The following WWTR1 variants were observed in gnomAD, a reference collection of about 807,000 sequenced individuals.
The protein encoded by WWTR1 is WW domain containing transcription regulator 1, also known as WW domain-containing transcription regulator protein 1.
A neutral mutation model predicts 40.1 loss-of-function variants in WWTR1; 13 were observed. That is an observed-to-expected ratio of 0.32 (90% CI 0.21 to 0.52). The LOEUF (loss-of-function observed/expected upper bound fraction) is 0.52, where lower values mean the gene tolerates loss of function less well. Ranked by LOEUF, WWTR1 falls within the 20% of genes least tolerant of loss-of-function variation. The probability of loss-of-function intolerance (pLI) is 0.97; values close to 1 mark genes in which losing one functional copy is unlikely to be tolerated. For synonymous variants in WWTR1, 230 were observed against 210.1 expected (o/e 1.09, Z -0.82); for missense variants, 436 against 523.1 (o/e 0.83, Z 1.63).
chr3:149,587,689 A>G (rs1284906955), intron 2 of WWTR1, among the ~76,000 whole-genome samples: 1 of 152,236 alleles, frequency 6.6e-6, no homozygotes, highest in African/African-American at 2.4e-5. Flanking sequence ...TGCGAATAAC[A>G]TTAAAATGTC....
intron 4 of WWTR1, among the ~76,000 whole-genome samples, chr3:149,533,694 T>C (rs972553876): frequency 6.6e-6 from 1 of 152,194 alleles, no homozygotes; most frequent in African/African-American, 2.4e-5. Flanking sequence ...CAAATCCCAG[T>C]TCAGTTACTA....
At chr3:149,551,758 A>C (rs1736626445) in intron 3 of WWTR1, among the ~76,000 whole-genome samples, 2 of 145,460 alleles carry the variant, frequency 1.4e-5, no homozygotes, top group South Asian at 4.4e-4. Flanking sequence ...AACTCAGGGC[A>C]GCAGAACTCA....
Position 149,577,294 on chromosome 3 carries a change from T to C in WWTR1, c.432-4294A>G, listed in dbSNP as rs115046222. ...CCATGCTGTTTATAAAGAAAAAGAA[T>C]AGCAGTTCCTACGGGGAAGAAAAGC... On this transcript the variant is annotated intron_variant, in intron 2 of 6. Transcript: ENST00000360632. Among the ~76,000 whole-genome samples the C allele has an allele frequency of 7.3e-3, 1,106 of 152,238 alleles. 12 individuals carry two copies. The highest frequency in any genetic ancestry group is 0.024 in the African/African-American group (1,016 of 41,548).
intron 2 of WWTR1, among the ~76,000 whole-genome samples, chr3:149,634,137 T>C (rs1389126956): frequency 1.3e-5 from 2 of 152,118 alleles, no homozygotes; most frequent in Admixed American, 1.3e-4. Flanking sequence ...GACCCAACCA[T>C]GTCAAGACCG....
chr3:149,696,112 CA>C (rs368629673), intron 1 of WWTR1, among the ~76,000 whole-genome samples: 47 of 77,120 alleles, frequency 6.1e-4, no homozygotes, highest in Admixed American at 1.7e-3. Flanking sequence ...GACTCTGTCT[CA>C]AAAAAAAAAA....
At chr3:149,540,872 A>G (rs553700898) in intron 4 of WWTR1, 1 of 324,408 alleles carries the variant, frequency 3.1e-6, no homozygotes, top group South Asian at 2.6e-5. Flanking sequence ...AAATGATTTT[A>G]ATTTACCATG....
At chr3:149,595,109 G>C (rs1186391983) in intron 2 of WWTR1, among the ~76,000 whole-genome samples, 2 of 151,432 alleles carry the variant, frequency 1.3e-5, no homozygotes, top group Admixed American at 6.6e-5. Flanking sequence ...CTACAGGCAT[G>C]CACCACCACG....
intron 2 of WWTR1, among the ~76,000 whole-genome samples, chr3:149,636,369 T>C (rs1007202085): frequency 6.6e-6 from 1 of 152,176 alleles, no homozygotes. Context: ...AAGGTTACGA[T>C]CTTAGGATCA....
chr3:149,525,394 C>T (rs1421898290), intron 6 of WWTR1, among the ~76,000 whole-genome samples: 1 of 151,720 alleles, frequency 6.6e-6, no homozygotes, highest in East Asian at 1.9e-4. Context: ...GGCAAACAAA[C>T]AGTGGTGTCT....
intron 2 of WWTR1, among the ~76,000 whole-genome samples, chr3:149,615,251 A>G (rs887557449): frequency 1.3e-5 from 2 of 152,214 alleles, no homozygotes; most frequent in African/African-American, 4.8e-5. Context: ...ATTGCATTCA[A>G]AACACTGGTT....
chr3:149,562,831 T>C (rs1737146976), intron 3 of WWTR1, among the ~76,000 whole-genome samples: 1 of 152,056 alleles, frequency 6.6e-6, no homozygotes, highest in Non-Finnish European at 1.5e-5. Flanking sequence ...AGGGAATAAA[T>C]TTAGACTTCC....
At chr3:149,571,594 T>C (rs1036353530) in intron 3 of WWTR1, among the ~76,000 whole-genome samples, 1 of 152,214 alleles carries the variant, frequency 6.6e-6, no homozygotes, top group East Asian at 1.9e-4. Flanking sequence ...AAGCAGTAGG[T>C]TCAGACTTCC....
At chr3:149,595,590 A>G (rs1455449511) in intron 2 of WWTR1, among the ~76,000 whole-genome samples, 7 of 152,182 alleles carry the variant, frequency 4.6e-5, no homozygotes, top group Non-Finnish European at 1.0e-4. Context: ...TCATTACCCT[A>G]TTACTCTCTC....
At chr3:149,642,474 T>G (rs1197439837) in intron 2 of WWTR1, among the ~76,000 whole-genome samples, 1 of 149,508 alleles carries the variant, frequency 6.7e-6, no homozygotes, top group African/African-American at 2.5e-5. Context: ...TTGGATGATA[T>G]AATTTTGTAA....
chr3:149,667,015 T>C (rs1365585882), intron 2 of WWTR1, among the ~76,000 whole-genome samples: 1 of 152,224 alleles, frequency 6.6e-6, no homozygotes. Flanking sequence ...GAAGCTTAGT[T>C]GTCTCCTCCC....
At chr3:149,563,889 C>A (rs1260823640) in intron 3 of WWTR1, among the ~76,000 whole-genome samples, 3 of 152,142 alleles carry the variant, frequency 2.0e-5, no homozygotes, top group Non-Finnish European at 2.9e-5. Context: ...GTAGCTGGGA[C>A]TACAGGTGTG....
chr3:149,566,167 A>T (rs1737317442), intron 3 of WWTR1, among the ~76,000 whole-genome samples: 1 of 152,190 alleles, frequency 6.6e-6, no homozygotes, highest in South Asian at 2.1e-4. Flanking sequence ...CCCAATCTCT[A>T]CAAAATAAAA....
chr3:149,573,121 T>A, intron 2 of WWTR1, 121 bp from the exon 3 acceptor site: 1 of 1,112,154 alleles, frequency 9.0e-7, no homozygotes, highest in Non-Finnish European at 1.3e-6. Context: ...GAGTGGTTGA[T>A]AGATTGTGCT....
upstream of WWTR1, among the ~76,000 whole-genome samples, chr3:149,705,805 G>A (rs1715313532): frequency 6.6e-6 from 1 of 152,192 alleles, no homozygotes; most frequent in African/African-American, 2.4e-5. Context: ...TGCTAATTAA[G>A]TAATTTTCTC....
Sources: gnomAD v4.1 joint callset for allele counts (sites outside exome capture counted in the v4.1 genomes callset) on GRCh38, gnomAD v4.1.1 for gene constraint, MANE v1.5 for transcripts, NCBI Gene and HGNC (gene_info 2026-07-23, HGNC 2026-07-21) for gene names.